Variants in KHDC1 observed in about 807,000 individuals in gnomAD.
KHDC1 encodes KH homology domain-containing protein 1.
In KHDC1, 21 loss-of-function variants were observed where a neutral mutation model predicts 24.7. The ratio of observed to expected loss-of-function variants is 0.85; its 90% CI spans 0.60 to 1.23. The LOEUF (loss-of-function observed/expected upper bound fraction) is 1.23. Among genes scored for constraint, KHDC1 ranks in the 50% most tolerant of loss-of-function variants. The pLI is 0.00. For synonymous variants in KHDC1, 98 were observed against 111.7 expected, an observed-to-expected ratio of 0.88 and a Z score of 0.77; for missense variants, 274 against 298.5, an observed-to-expected ratio of 0.92 and a Z score of 0.61.
At chr6:73,262,706 T>G in intron 2 of KHDC1, 68 bp downstream of exon 1, 1 of 983,218 alleles carries the variant, frequency 1.0e-6, no homozygotes, top group Non-Finnish European at 1.2e-6. Context: ...CAGCTCACTT[T>G]CCTTATCTGT....
intron 2 of KHDC1, among the ~76,000 whole-genome samples, chr6:73,284,283 CTT>C (rs1161024770): frequency 6.6e-6 from 1 of 152,186 alleles, no homozygotes; most frequent in African/African-American, 2.4e-5. Flanking sequence ...CTCAGTTTCT[CTT>C]ATAGATAAGA....
In KHDC1 at chr6:73,305,131, G is replaced by A. The variant is rs151229414; in HGVS notation, c.163+4421C>T. On this transcript the variant is annotated intron_variant, in intron 1 of 4. Coordinates refer to ENST00000370384, the Ensembl canonical transcript of KHDC1. ...CAGACTCCTGTAATCTCAGCTTCTC[G>A]GGAGGCTGAGGCACGAAAATTGCTT... 5.9e-4 allele frequency among the ~76,000 whole-genome samples: 90 copies of A among 152,036 alleles called. 1 individual carries two copies. The highest frequency in any genetic ancestry group is 2.0e-3 in the African/African-American group (81 of 41,482).
At chr6:73,297,568 A>T (rs949581662) in intron 1 of KHDC1, among the ~76,000 whole-genome samples, 2 of 152,144 alleles carry the variant, frequency 1.3e-5, no homozygotes, top group Admixed American at 6.6e-5. Flanking sequence ...TTTCCAATTG[A>T]TAAGGTATTG....
chr6:73,254,288 C>T (rs934713626), intron 2 of KHDC1, among the ~76,000 whole-genome samples: 1 of 151,688 alleles, frequency 6.6e-6, no homozygotes, highest in Admixed American at 6.6e-5. Context: ...TGGAGAAACC[C>T]CATCTCTACT....
chr6:73,254,331 C>T (rs906035516), intron 2 of KHDC1, among the ~76,000 whole-genome samples: 3 of 151,722 alleles, frequency 2.0e-5, no homozygotes, highest in South Asian at 2.1e-4. Context: ...CGTGGTGGTG[C>T]GTGCCTGTTA....
intron 2 of KHDC1, among the ~76,000 whole-genome samples, chr6:73,266,280 C>T (rs1334017877): frequency 6.6e-6 from 1 of 152,206 alleles, no homozygotes. Context: ...TAATGTCACT[C>T]TTAATAATGA....
chr6:73,282,809 AACACTCGAC>A (rs1173001361), intron 2 of KHDC1, among the ~76,000 whole-genome samples: 1 of 152,148 alleles, frequency 6.6e-6, no homozygotes, highest in Non-Finnish European at 1.5e-5. Context: ...CTAACCAATC[AACACTCGAC>A]ACACTGTCCT....
intron 2 of KHDC1, among the ~76,000 whole-genome samples, chr6:73,286,974 T>C (rs887816837): frequency 6.6e-6 from 1 of 151,782 alleles, no homozygotes; most frequent in African/African-American, 2.4e-5. Context: ...CCAGGATGGC[T>C]CCCAGAAGCA....
chr6:73,283,235 TA>T (rs1767447136), intron 2 of KHDC1, among the ~76,000 whole-genome samples: 1 of 152,180 alleles, frequency 6.6e-6, no homozygotes, highest in South Asian at 2.1e-4. Context: ...AGTACCTACA[TA>T]AATTATTTGA....
At chr6:73,303,659 A>G (rs1259716946) in intron 1 of KHDC1, among the ~76,000 whole-genome samples, 1 of 152,182 alleles carries the variant, frequency 6.6e-6, no homozygotes, top group Non-Finnish European at 1.5e-5. Context: ...ATCCTGAGAA[A>G]ACATCAGACA....
chr6:73,262,003 C>T lies in KHDC1; in HGVS notation c.207-19473G>A, dbSNP rs548953150. 9.9e-5 allele frequency among the ~76,000 whole-genome samples: 15 copies of T among 151,940 alleles called. No individual in the cohort carries two copies. In the East Asian group the frequency reaches 2.7e-3, roughly 27 times the overall value. ...CTGAGGTGAGAGAATTCATTGAGCCCGGCAGGTTGGAGCTGCAGTGAGCCA... is the reference window on the plus strand; with the variant it reads ...CTGAGGTGAGAGAATTCATTGAGCCTGGCAGGTTGGAGCTGCAGTGAGCCA... On this transcript the variant is annotated intron_variant, in intron 2 of 4. Coordinates refer to ENST00000370384, the Ensembl canonical transcript of KHDC1.
intron 2 of KHDC1, among the ~76,000 whole-genome samples, chr6:73,276,724 CA>C (rs2150643572): frequency 6.6e-6 from 1 of 152,292 alleles, no homozygotes; most frequent in South Asian, 2.1e-4. Context: ...TAAAACTGTC[CA>C]GTAGCCTTGG....
chr6:73,252,626 C>T (rs914714225), intron 2 of KHDC1, among the ~76,000 whole-genome samples: 1 of 151,262 alleles, frequency 6.6e-6, no homozygotes, highest in Non-Finnish European at 1.5e-5. Flanking sequence ...GCCTGGGCAA[C>T]ATGGCAAAAC....
intron 1 of KHDC1, among the ~76,000 whole-genome samples, chr6:73,294,090 C>T (rs894787360): frequency 1.3e-5 from 2 of 151,460 alleles, no homozygotes; most frequent in Non-Finnish European, 2.9e-5. Context: ...TTCAAGGTTG[C>T]CTGGGCAACA....
exon 1 of KHDC1, chr6:73,309,768 C>T: frequency 1.3e-6 from 2 of 1,526,374 alleles, no homozygotes; most frequent in South Asian, 1.2e-5. Context: ...AGTAGTACAG[C>T]TCCTCCCGCC....
chr6:73,267,640 T>G (rs978923191), intron 2 of KHDC1, among the ~76,000 whole-genome samples: 3 of 152,214 alleles, frequency 2.0e-5, no homozygotes, highest in Admixed American at 1.3e-4. Flanking sequence ...AGAATTACCT[T>G]ATGACCCAGC....
exon 4 of KHDC1, chr6:73,242,072 G>T: frequency 6.2e-7 from 1 of 1,613,174 alleles, no homozygotes; most frequent in Non-Finnish European, 8.5e-7. Flanking sequence ...ATGATGATAG[G>T]AGTCCTGGCT....
chr6:73,290,863 T>A, intron 2 of KHDC1: 1 of 349,228 alleles, frequency 2.9e-6, no homozygotes, highest in Non-Finnish European at 5.6e-6. Flanking sequence ...TAACAGATTC[T>A]CCTCTGAGCT....
chr6:73,292,283 A>T (rs1767668889), intron 1 of KHDC1: 8 of 1,218,116 alleles, frequency 6.6e-6, no homozygotes, highest in African/African-American at 1.5e-5. Flanking sequence ...GCGGTCAACC[A>T]GGGATGGTAG....
Sources: gnomAD v4.1 joint callset for allele counts (sites outside exome capture counted in the v4.1 genomes callset) on GRCh38, gnomAD v4.1.1 for gene constraint, MANE v1.5 for transcripts, NCBI Gene and HGNC (gene_info 2026-07-23, HGNC 2026-07-21) for gene names.